The following PEX13 variants were observed in gnomAD, a reference collection of about 807,000 sequenced individuals.
PEX13 encodes the protein peroxisome biogenesis factor 13.
In PEX13, 28 loss-of-function variants were observed where a neutral mutation model predicts 34.5. The ratio of observed to expected loss-of-function variants is 0.81; its 90% CI spans 0.60 to 1.11. PEX13 has a LOEUF of 1.11. Among genes scored for constraint, PEX13 ranks in the 50% most tolerant of loss-of-function variants. The probability of loss-of-function intolerance (pLI) is 0.00; values close to 1 mark genes in which losing one functional copy is unlikely to be tolerated. For synonymous variants in PEX13, 177 were observed against 175.1 expected (o/e 1.01, Z -0.09); for missense variants, 550 against 491.0 (o/e 1.12, Z -1.13).
At chr2:61,034,561 A>C (rs1680504664) in intron 2 of PEX13, among the ~76,000 whole-genome samples, 1 of 152,186 alleles carries the variant, frequency 6.6e-6, no homozygotes, top group South Asian at 2.1e-4. Context: ...AGCCAAGGGA[A>C]GCCATGAGTG....
chr2:61,039,630 C>T (rs1680589650), intron 2 of PEX13, among the ~76,000 whole-genome samples: 1 of 152,010 alleles, frequency 6.6e-6, no homozygotes, highest in African/African-American at 2.4e-5. Flanking sequence ...GACTTAACAC[C>T]ATAAAAACCC....
intron 2 of PEX13, among the ~76,000 whole-genome samples, chr2:61,033,122 T>C (rs1450282855): frequency 6.6e-6 from 1 of 152,180 alleles, no homozygotes; most frequent in Non-Finnish European, 1.5e-5. Context: ...TCAGTAGAAG[T>C]CAGCACGTTG....
chr2:61,018,423 A>G lies in PEX13; in HGVS notation c.92+572A>G, dbSNP rs1263450139. ...AGCAGGAGTTCTAGATCTGAGGCCT[A>G]TGGATGGACTTTGTGTGCAAAATAG... is the stretch of plus-strand genomic sequence containing the variant. On this transcript the variant is annotated intron_variant, in intron 1 of 3. Coordinates refer to ENST00000295030, the MANE Select transcript of PEX13 (RefSeq NM_002618.4). 5 of 1,097,370 alleles carry G rather than the reference A, an allele frequency of 4.6e-6. No homozygotes were observed. In the African/African-American group the frequency reaches 7.9e-5, roughly 17 times the overall value. The allele number at this position is 1,097,370 out of a possible 1,614,324, so 68.0% of individuals were successfully genotyped here. A position where few individuals can be genotyped will look rare whatever the true frequency, so the allele number is the denominator to read the frequency against.
intron 2 of PEX13, among the ~76,000 whole-genome samples, chr2:61,041,394 A>G (rs182106373): frequency 6.6e-6 from 1 of 152,310 alleles, no homozygotes; most frequent in African/African-American, 2.4e-5. Context: ...AAAGATAGAA[A>G]AGAAGACAGA....
chr2:61,044,668 G>A (rs1351232470), intron 2 of PEX13, among the ~76,000 whole-genome samples: 1 of 152,178 alleles, frequency 6.6e-6, no homozygotes, highest in African/African-American at 2.4e-5. Context: ...TTACAGGTGT[G>A]AACCACCACG....
intron 1 of PEX13, among the ~76,000 whole-genome samples, chr2:61,023,758 CTT>C (rs1680305542): frequency 7.5e-6 from 1 of 133,506 alleles, no homozygotes; most frequent in African/African-American, 2.8e-5. Context: ...TGTCAGCTCT[CTT>C]GACTTTTTGG....
intron 2 of PEX13, among the ~76,000 whole-genome samples, chr2:61,037,363 A>G (rs1022849937): frequency 6.6e-6 from 1 of 152,188 alleles, no homozygotes; most frequent in South Asian, 2.1e-4. Context: ...TGACCACACA[A>G]TTGGAAGTAA....
intron 2 of PEX13, among the ~76,000 whole-genome samples, chr2:61,039,034 C>G (rs1268557697): frequency 6.6e-6 from 1 of 152,148 alleles, no homozygotes; most frequent in Non-Finnish European, 1.5e-5. Context: ...ATCCAACTTA[C>G]AAGGGATGTG....
In PEX13 at chr2:61,049,257, A is replaced by G. The variant is rs1680758304; in HGVS notation, c.*487A>G. Reference sequence around the variant, plus strand: ...ATAATAAAATTTTCTGATCTGTATTATATCCAGTGTTGGGTTTATATTTTC... The same window carrying G: ...ATAATAAAATTTTCTGATCTGTATTGTATCCAGTGTTGGGTTTATATTTTC... On this transcript the variant is annotated 3_prime_UTR_variant, in exon 4 of 4. Transcript: ENST00000295030. 6.3e-6 allele frequency: 1 copy of G among 157,934 alleles called. No homozygotes were observed. Among genetic ancestry groups the G allele is most frequent in the African/African-American group, 2.4e-5 (1 of 41,232 alleles). The allele number at this position is 157,934 out of a possible 1,614,324, so 9.8% of individuals were successfully genotyped here.
Position 61,051,184 on chromosome 2 carries a change from T to A in PEX13, c.*2414T>A, listed in dbSNP as rs1414997039. On this transcript the variant is annotated 3_prime_UTR_variant, in exon 4 of 4. Transcript: ENST00000295030. Reference sequence around the variant, plus strand: ...AACACCCAGGTATTAGCCTTGAAGTTGAAGAGATAAGGTTTCTTGTATATT... The same window carrying A: ...AACACCCAGGTATTAGCCTTGAAGTAGAAGAGATAAGGTTTCTTGTATATT... 6.6e-6 allele frequency: 1 copy of A among 152,308 alleles called. No individual in the cohort carries two copies. Among genetic ancestry groups the A allele is most frequent in the Non-Finnish European group, 1.5e-5 (1 of 68,036 alleles). The allele number at this position is 152,308 out of a possible 1,614,324, so 9.4% of individuals were successfully genotyped here. A position where few individuals can be genotyped will look rare whatever the true frequency, so the allele number is the denominator to read the frequency against.
chr2:61,023,732 C>CTTTTTTTTTTTTTTTTTTTTTTT (rs375431867), intron 1 of PEX13, among the ~76,000 whole-genome samples: 1 of 130,204 alleles, frequency 7.7e-6, no homozygotes, highest in Non-Finnish European at 1.6e-5. Flanking sequence ...TTCCTGACTT[C>CTTTTTTTTTTTTTTTTTTTTTTT]TTTTTTTTTT....
rs373118250 is a variant in PEX13 at position 61,045,818 on chromosome 2, C to T, written c.880C>T (p.Arg294Trp). The stretch of plus-strand genomic sequence containing the variant: ...CGTATCTGAAGAAGAAATTTCTTTC[C>T]GGGCTGGTGATATGCTGAACTTAGC... ...AAVSEEEISF[R>W]AGDMLNLALK... Residue 294 changes from arginine (R) to tryptophan (W), a missense_variant, in exon 3 of 4, where the codon CGG becomes TGG. By Grantham distance (101) the Arg-to-Trp change is moderately radical. Coordinates refer to ENST00000295030, the MANE Select transcript of PEX13 (RefSeq NM_002618.4). 136 of 1,612,804 alleles carry T rather than the reference C, an allele frequency of 8.4e-5. No homozygotes were observed. Among genetic ancestry groups the T allele is most frequent in the South Asian group, 6.7e-4 (61 of 91,038 alleles).
intron 2 of PEX13, among the ~76,000 whole-genome samples, chr2:61,037,767 A>G (rs1680559745): frequency 6.6e-6 from 1 of 152,220 alleles, no homozygotes; most frequent in Non-Finnish European, 1.5e-5. Context: ...AGATCAGAGC[A>G]AAACTGAAGG....
At chr2:61,032,596 T>C (rs1680470742) in intron 2 of PEX13, among the ~76,000 whole-genome samples, 1 of 152,198 alleles carries the variant, frequency 6.6e-6, no homozygotes, top group Non-Finnish European at 1.5e-5. Flanking sequence ...ATTTTGCAAG[T>C]GATAAAACTG....
At chr2:61,023,043 C>T (rs911814758) in intron 1 of PEX13, among the ~76,000 whole-genome samples, 5 of 151,884 alleles carry the variant, frequency 3.3e-5, no homozygotes, top group Non-Finnish European at 7.4e-5. Context: ...CTCACTCTGC[C>T]ACCCGGGCTG....
At chr2:61,046,001 A>G (rs966870755) in intron 3 of PEX13, 150 bp downstream of exon 3, 4 of 698,300 alleles carry the variant, frequency 5.7e-6, no homozygotes, top group East Asian at 2.8e-5. Flanking sequence ...AGAGCTTCCA[A>G]ATCTGGAGGA....
chr2:61,048,580 A>G lies in PEX13; in HGVS notation c.1022A>G (p.Lys341Arg), dbSNP rs1413316505. The G allele has an allele frequency of 1.9e-6, 3 of 1,614,170 alleles. No individual in the cohort carries two copies. The highest frequency in any genetic ancestry group is 2.5e-6 in the Non-Finnish European group (3 of 1,180,014). The change falls in exon 4 of 4, where the codon AAA (lysine) becomes AGA (arginine). Residue 341 changes from lysine to arginine, a missense_variant. Lys to Arg is a conservative substitution (Grantham distance 26, BLOSUM62 2). Transcript: ENST00000295030. ...VKILGKRKGR[K>R]TVESSKVSKQ... ...ATTCTTGGCAAAAGAAAAGGTAGGAAAACGGTGGAATCAAGTAAAGTTTCC... is the reference window on the plus strand; with the variant it reads ...ATTCTTGGCAAAAGAAAAGGTAGGAGAACGGTGGAATCAAGTAAAGTTTCC...
chr2:61,049,748 C>T lies in PEX13; in HGVS notation c.*978C>T, dbSNP rs529757951. 7.2e-5 allele frequency: 11 copies of T among 152,298 alleles called. No individual in the cohort carries two copies. The highest frequency in any genetic ancestry group is 2.2e-4 in the African/African-American group (9 of 41,564). 9.4% of individuals were successfully genotyped at this position (152,298 alleles called of 1,614,324 possible). On this transcript the variant is annotated 3_prime_UTR_variant, in exon 4 of 4. Transcript: ENST00000295030. ...GGAGATCTCGCCATTGCACTTCAGC[C>T]TGGGCAACAAAAGCGAAACTCCATC...
At chr2:61,019,594 A>T (rs943678573) in intron 1 of PEX13, among the ~76,000 whole-genome samples, 1 of 151,602 alleles carries the variant, frequency 6.6e-6, no homozygotes, top group Non-Finnish European at 1.5e-5. Flanking sequence ...TAAAAATCTA[A>T]TTTTTTTTTC....
Sources: allele counts gnomAD v4.1 joint callset (sites outside exome capture counted in the v4.1 genomes callset), GRCh38; gene constraint gnomAD v4.1.1; transcripts MANE v1.5; gene names NCBI Gene and HGNC (gene_info 2026-07-23, HGNC 2026-07-21).